Variants in RIMS2 observed in about 807,000 individuals in gnomAD.
RIMS2 encodes the protein regulating synaptic membrane exocytosis protein 2.
In RIMS2, 59 loss-of-function variants were observed where a neutral mutation model predicts 174.4. The observed-to-expected ratio is 0.34, with a 90% CI of 0.27 to 0.42. RIMS2 has a LOEUF of 0.42. Among genes scored for constraint, RIMS2 ranks in the 10% least tolerant of loss-of-function variants. The probability of loss-of-function intolerance (pLI) is 1.00; values close to 1 mark genes in which losing one functional copy is unlikely to be tolerated. For missense variants in RIMS2, 1,620 were observed against 1,666.3 expected (o/e 0.97, Z 0.48); for synonymous variants, 606 against 572.5 (o/e 1.06, Z -0.84).
At position 103,889,746 on chromosome 8, in the gene RIMS2, G is replaced by A. The variant is rs114999660; in HGVS notation, c.1624+3523G>A. 2.0e-3 allele frequency among the ~76,000 whole-genome samples: 307 copies of A among 151,514 alleles called. 4 individuals are homozygous for A. The highest frequency in any genetic ancestry group is 7.0e-3 in the African/African-American group (289 of 41,366). ...TGGCTCGTCTCTTACTTGTCACTTC[G>A]GATGGATTTCATTATTTTAAATATA... On this transcript the variant is annotated intron_variant, in intron 4 of 23. Coordinates refer to ENST00000504942, the Ensembl canonical transcript of RIMS2.
intron 19 of RIMS2, among the ~76,000 whole-genome samples, chr8:104,151,797 C>T (rs1420511293): frequency 6.6e-6 from 1 of 151,838 alleles, no homozygotes; most frequent in Non-Finnish European, 1.5e-5. Flanking sequence ...CTGAAATTGC[C>T]CAAGAAGAAT....
At chr8:103,784,042 GT>G (rs1486116211) in intron 3 of RIMS2, among the ~76,000 whole-genome samples, 2 of 150,506 alleles carry the variant, frequency 1.3e-5, no homozygotes, top group Non-Finnish European at 3.0e-5. Context: ...TTTTTCATGT[GT>G]TTTTTGGCTG....
At chr8:103,635,773 C>T (rs1341509248) in intron 1 of RIMS2, among the ~76,000 whole-genome samples, 1 of 152,042 alleles carries the variant, frequency 6.6e-6, no homozygotes, top group African/African-American at 2.4e-5. Flanking sequence ...TCCACCTCAG[C>T]CCCCAGTCAT....
chr8:103,587,468 GA>G (rs35539559), intron 1 of RIMS2, among the ~76,000 whole-genome samples: 5,429 of 96,394 alleles, frequency 0.056, 183 homozygotes, highest in Middle Eastern at 0.076. Context: ...AAGAAAGAAA[GA>G]AACTATGCAC....
intron 4 of RIMS2, among the ~76,000 whole-genome samples, chr8:103,905,623 C>A (rs1245831641): frequency 6.7e-6 from 1 of 148,436 alleles, no homozygotes; most frequent in Non-Finnish European, 1.5e-5. Flanking sequence ...ATATCTTTGG[C>A]CAAATTTGGG....
chr8:104,172,607 A>C (rs1202749223), intron 19 of RIMS2, among the ~76,000 whole-genome samples: 1 of 152,210 alleles, frequency 6.6e-6, no homozygotes, highest in African/African-American at 2.4e-5. Flanking sequence ...AAACCACATG[A>C]TCCACAAAGC....
chr8:103,954,752 C>T (rs891499459), intron 14 of RIMS2, among the ~76,000 whole-genome samples: 1 of 151,840 alleles, frequency 6.6e-6, no homozygotes, highest in African/African-American at 2.4e-5. Context: ...TAACTGAGAT[C>T]GGAGCAGAAC....
At chr8:103,521,614 A>G (rs1393097323) in intron 1 of RIMS2, among the ~76,000 whole-genome samples, 2 of 152,046 alleles carry the variant, frequency 1.3e-5, no homozygotes, top group East Asian at 1.9e-4. Context: ...TTTCATTGCA[A>G]TTAAAACAAA....
At chr8:103,954,761 A>G (rs2086598686) in intron 14 of RIMS2, among the ~76,000 whole-genome samples, 1 of 152,166 alleles carries the variant, frequency 6.6e-6, no homozygotes, top group Non-Finnish European at 1.5e-5. Flanking sequence ...TCGGAGCAGA[A>G]CTGAAGGAGA....
At chr8:103,597,759 T>C (rs1196884593) in intron 1 of RIMS2, among the ~76,000 whole-genome samples, 1 of 152,068 alleles carries the variant, frequency 6.6e-6, no homozygotes, top group Non-Finnish European at 1.5e-5. Context: ...TATCTGAACC[T>C]TATGAATATT....
intron 19 of RIMS2, among the ~76,000 whole-genome samples, chr8:104,061,636 A>G (rs949032830): frequency 9.4e-5 from 14 of 149,196 alleles, no homozygotes; most frequent in African/African-American, 3.4e-4. Context: ...TTTTATAAAT[A>G]TATATTTATA....
chr8:103,936,613 C>T, exon 13 of RIMS2: 1 of 1,608,438 alleles, frequency 6.2e-7, no homozygotes, highest in Non-Finnish European at 8.5e-7. Flanking sequence ...TGGAACCAAA[C>T]ATTCATTTAT....
chr8:104,112,689 G>C (rs141546177), intron 19 of RIMS2, among the ~76,000 whole-genome samples: 1 of 152,248 alleles, frequency 6.6e-6, no homozygotes, highest in Admixed American at 6.5e-5. Flanking sequence ...GCTTCTTTCA[G>C]AGAACAATAT....
chr8:103,938,405 C>T (rs751965175), intron 13 of RIMS2, among the ~76,000 whole-genome samples: 1 of 151,990 alleles, frequency 6.6e-6, no homozygotes, highest in African/African-American at 2.4e-5. Context: ...CATCAGATCT[C>T]GTGAGATTTA....
intron 2 of RIMS2, among the ~76,000 whole-genome samples, chr8:103,742,559 G>A (rs777825949): frequency 2.0e-4 from 31 of 152,048 alleles, no homozygotes; most frequent in Non-Finnish European, 4.3e-4. Flanking sequence ...TGTAGCAGAC[G>A]CAATAACCCT....
chr8:103,910,511 G>C (rs538595375), intron 5 of RIMS2: 1 of 1,593,544 alleles, frequency 6.3e-7, no homozygotes, highest in East Asian at 2.2e-5. Flanking sequence ...TTAACGAGGA[G>C]CATAGCCATA....
intron 2 of RIMS2, among the ~76,000 whole-genome samples, chr8:103,736,876 A>T (rs572846706): frequency 1.3e-5 from 2 of 152,284 alleles, no homozygotes; most frequent in East Asian, 3.9e-4. Flanking sequence ...GACCTTTGTG[A>T]GCAGGAATGA....
intron 17 of RIMS2, among the ~76,000 whole-genome samples, chr8:103,997,384 A>G (rs981221213): frequency 1.3e-5 from 2 of 151,902 alleles, no homozygotes; most frequent in Non-Finnish European, 2.9e-5. Context: ...ATATTTAGAG[A>G]TAGAATTGTG....
At chr8:103,585,996 A>G (rs1049065896) in intron 1 of RIMS2, among the ~76,000 whole-genome samples, 1 of 152,140 alleles carries the variant, frequency 6.6e-6, no homozygotes, top group Admixed American at 6.5e-5. Flanking sequence ...AAAACAAGAC[A>G]AAGAAGGTTG....
Sources: gnomAD v4.1 joint callset for allele counts (sites outside exome capture counted in the v4.1 genomes callset) on GRCh38, gnomAD v4.1.1 for gene constraint, MANE v1.5 for transcripts, NCBI Gene and HGNC (gene_info 2026-07-23, HGNC 2026-07-21) for gene names.